The following UBAP1 variants were observed in gnomAD, a reference collection of about 807,000 sequenced individuals.
The protein encoded by UBAP1 is ubiquitin-associated protein 1.
UBAP1 carries 5 observed loss-of-function variants against 39.0 expected under a neutral mutation model. The observed-to-expected ratio is 0.13, with a 90% CI of 0.07 to 0.27. The LOEUF (loss-of-function observed/expected upper bound fraction) is 0.27, where lower values mean the gene tolerates loss of function less well. Ranked by LOEUF, UBAP1 falls within the 10% of genes least tolerant of loss-of-function variation. The pLI is 1.00. For missense variants in UBAP1, 490 were observed against 608.1 expected (o/e 0.81, Z 2.04); for synonymous variants, 211 against 225.1 (o/e 0.94, Z 0.56).
At chr9:34,209,103 A>AT (rs1831879430) in intron 1 of UBAP1, among the ~76,000 whole-genome samples, 3 of 151,504 alleles carry the variant, frequency 2.0e-5, no homozygotes, top group Non-Finnish European at 4.4e-5. Context: ...CCTGGCTAAT[A>AT]TTTTTTGTAT....
intron 1 of UBAP1, among the ~76,000 whole-genome samples, chr9:34,215,571 A>G (rs1434866254): frequency 6.6e-6 from 1 of 151,936 alleles, no homozygotes; most frequent in East Asian, 1.9e-4. Flanking sequence ...AAGACCACAA[A>G]TAGGGTGCAG....
chr9:34,223,998 G>A (rs949129091), intron 2 of UBAP1: 3 of 450,736 alleles, frequency 6.7e-6, no homozygotes, highest in South Asian at 4.1e-5. Context: ...TTGCCTTTCC[G>A]GACCTTGATT....
In UBAP1 at chr9:34,241,428, G is replaced by C. The variant is rs764064548; in HGVS notation, c.403G>C (p.Val135Leu). 4.4e-6 allele frequency: 7 copies of C among 1,594,576 alleles called. No individual in the cohort carries two copies. The highest frequency in any genetic ancestry group is 1.3e-5 in the African/African-American group (1 of 74,640). The change falls in exon 4 of 7, where the codon GTC becomes CTC. Residue 135 changes from valine (V) to leucine (L), a missense_variant. Around this residue, in one of 3 missense-constraint regions of UBAP1, gnomAD observed 144 missense variants for 184.4 expected, o/e 0.78. Coordinates refer to ENST00000297661, the MANE Select transcript of UBAP1 (RefSeq NM_016525.5). The part of the protein sequence containing the change: ...QHNSILTPTR[V>L]SSSATKQKVL... ...CAACAGCATCCTCACACCAACTCGGGTCAGCAGTAGTGCCACGAAACAGAA... is the reference window on the plus strand; with the variant it reads ...CAACAGCATCCTCACACCAACTCGGCTCAGCAGTAGTGCCACGAAACAGAA...
In UBAP1 at chr9:34,180,228, C is replaced by A. The variant is rs969192682; in HGVS notation, c.-8+988C>A. ...ATGTCCCAACCTAAACTAAAAGTTT[C>A]CGTATTGGCCGGGCGCTGTGGCTCA... On this transcript the variant is annotated intron_variant, in intron 1 of 6. Coordinates refer to ENST00000297661, the MANE Select transcript of UBAP1 (RefSeq NM_016525.5). 3.3e-5 allele frequency among the ~76,000 whole-genome samples: 5 copies of A among 152,134 alleles called. No individual in the cohort carries two copies. In the East Asian group the frequency reaches 9.6e-4, roughly 29 times the overall value.
At chr9:34,228,919 C>T (rs1029481496) in intron 2 of UBAP1, among the ~76,000 whole-genome samples, 7 of 151,836 alleles carry the variant, frequency 4.6e-5, no homozygotes, top group African/African-American at 1.5e-4. Context: ...GCCCTTTATC[C>T]CTACCTCCTC....
chr9:34,180,679 AAG>A (rs745458509), intron 1 of UBAP1, among the ~76,000 whole-genome samples: 3 of 152,224 alleles, frequency 2.0e-5, no homozygotes, highest in South Asian at 2.1e-4. Context: ...TTGCAATAAT[AAG>A]AGTCATTATA....
chr9:34,182,671 C>CTTTCTCT (rs1554645026), intron 1 of UBAP1, among the ~76,000 whole-genome samples: 5,480 of 87,950 alleles, frequency 0.062, 350 homozygotes, highest in South Asian at 0.13. Flanking sequence ...TTCTTTCTTT[C>CTTTCTCT]TTTCTTTCTT....
At chr9:34,210,733 A>ATTT (rs1563899861) in intron 1 of UBAP1, among the ~76,000 whole-genome samples, 1 of 49,222 alleles carries the variant, frequency 2.0e-5, no homozygotes, top group Non-Finnish European at 5.0e-5. Context: ...AAAAAAAAAA[A>ATTT]ATTTTTTTTT....
At chr9:34,230,258 G>A (rs890226181) in intron 2 of UBAP1, among the ~76,000 whole-genome samples, 2 of 151,616 alleles carry the variant, frequency 1.3e-5, no homozygotes, top group Non-Finnish European at 2.9e-5. Flanking sequence ...TAGAGACGGG[G>A]TTTCACCATG....
chr9:34,218,024 G>A (rs1200026722), intron 1 of UBAP1, among the ~76,000 whole-genome samples: 2 of 150,502 alleles, frequency 1.3e-5, no homozygotes, highest in East Asian at 1.9e-4. Flanking sequence ...AGGCCGAGGC[G>A]GGTGGATCAC....
intron 1 of UBAP1, among the ~76,000 whole-genome samples, chr9:34,205,795 C>T (rs1831650407): frequency 6.6e-6 from 1 of 152,032 alleles, no homozygotes; most frequent in African/African-American, 2.4e-5. Flanking sequence ...AGATTGAGAC[C>T]AGCCTGGCCA....
At chr9:34,187,989 T>C (rs1303743318) in intron 1 of UBAP1, among the ~76,000 whole-genome samples, 1 of 151,964 alleles carries the variant, frequency 6.6e-6, no homozygotes, top group Non-Finnish European at 1.5e-5. Flanking sequence ...ACATTTTTTC[T>C]TTTTTTCAAT....
intron 1 of UBAP1, among the ~76,000 whole-genome samples, chr9:34,180,002 T>TG (rs1411377445): frequency 1.3e-5 from 2 of 152,216 alleles, no homozygotes; most frequent in Non-Finnish European, 2.9e-5. Flanking sequence ...CATGCAGTGT[T>TG]GCGAAACCAG....
chr9:34,251,319 A>G, intron 6 of UBAP1, 73 bp from the exon 7 acceptor site: 1 of 1,527,416 alleles, frequency 6.5e-7, no homozygotes, highest in Non-Finnish European at 9.0e-7. Flanking sequence ...CCCGTCCCAC[A>G]CACACACTCC....
At chr9:34,232,713 G>A (rs1318489417) in intron 2 of UBAP1, among the ~76,000 whole-genome samples, 5 of 152,302 alleles carry the variant, frequency 3.3e-5, no homozygotes, top group South Asian at 2.1e-4. Context: ...CACAGTTTTC[G>A]TAAGGAAAGA....
intron 1 of UBAP1, among the ~76,000 whole-genome samples, chr9:34,218,978 G>C (rs1425723163): frequency 6.6e-6 from 1 of 152,076 alleles, no homozygotes; most frequent in Admixed American, 6.6e-5. Context: ...AGTATGGTTT[G>C]CTGGTTCTTT....
At chr9:34,199,232 C>T (rs1183692705) in intron 1 of UBAP1, among the ~76,000 whole-genome samples, 1 of 152,044 alleles carries the variant, frequency 6.6e-6, no homozygotes, top group African/African-American at 2.4e-5. Flanking sequence ...CACCACCACG[C>T]CCAGCTAATA....
chr9:34,237,592 C>T (rs1833767736), intron 3 of UBAP1, among the ~76,000 whole-genome samples: 1 of 152,068 alleles, frequency 6.6e-6, no homozygotes, highest in Non-Finnish European at 1.5e-5. Flanking sequence ...TTTGTAGACA[C>T]AGTCTCACTC....
At chr9:34,179,763 C>T (rs1172497097) in intron 1 of UBAP1, among the ~76,000 whole-genome samples, 1 of 152,020 alleles carries the variant, frequency 6.6e-6, no homozygotes, top group African/African-American at 2.4e-5. Context: ...TATGTTTATC[C>T]GCCTTTTTTG....
Sources: allele counts gnomAD v4.1 joint callset (sites outside exome capture counted in the v4.1 genomes callset), GRCh38; gene constraint gnomAD v4.1.1; regional missense constraint gnomAD v4.1.1; transcripts MANE v1.5; gene names NCBI Gene and HGNC (gene_info 2026-07-23, HGNC 2026-07-21).